The following RFC3 variants were observed in gnomAD, a reference collection of about 807,000 sequenced individuals.
The protein encoded by RFC3 is A1 38 kDa subunit.
Under a neutral mutation model 45.1 loss-of-function variants are expected in RFC3, and 41 were observed. That is an observed-to-expected ratio of 0.91 (90% CI 0.71 to 1.18). The LOEUF (loss-of-function observed/expected upper bound fraction) is 1.18. Among genes scored for constraint, RFC3 ranks in the 50% most tolerant of loss-of-function variants. The probability of loss-of-function intolerance (pLI) is 0.00; values close to 1 mark genes in which losing one functional copy is unlikely to be tolerated. For missense variants in RFC3, 423 were observed against 428.1 expected (o/e 0.99, Z 0.10); for synonymous variants, 149 against 144.0 (o/e 1.03, Z -0.25).
chr13:33,898,626 A>C (rs750625660), intron 8 of RFC3, among the ~76,000 whole-genome samples: 12 of 151,894 alleles, frequency 7.9e-5, no homozygotes, highest in Non-Finnish European at 1.8e-4. Context: ...ATCAAATCTG[A>C]AATTAGTAGA....
downstream of RFC3, among the ~76,000 whole-genome samples, chr13:33,969,689 T>G (rs1024323573): frequency 4.6e-5 from 7 of 152,196 alleles, no homozygotes; most frequent in Non-Finnish European, 1.0e-4. Flanking sequence ...TGCATCTTAG[T>G]CCAAATTCTA....
intron 8 of RFC3, among the ~76,000 whole-genome samples, chr13:33,952,168 C>A (rs1404786499): frequency 1.3e-5 from 2 of 152,204 alleles, no homozygotes; most frequent in Non-Finnish European, 2.9e-5. Flanking sequence ...TTTTTCTCAG[C>A]AAGCAGTCAA....
At chr13:33,857,871 G>A (rs932945448) in intron 8 of RFC3, among the ~76,000 whole-genome samples, 1 of 152,274 alleles carries the variant, frequency 6.6e-6, no homozygotes, top group South Asian at 2.1e-4. Context: ...CTTAAGGACA[G>A]CATGAAGAGA....
intron 8 of RFC3, among the ~76,000 whole-genome samples, chr13:33,909,517 G>C (rs2082691686): frequency 6.6e-6 from 1 of 151,788 alleles, no homozygotes; most frequent in South Asian, 2.1e-4. Context: ...CTCACTCCTT[G>C]TCTTATTCTT....
intron 8 of RFC3, among the ~76,000 whole-genome samples, chr13:33,899,255 T>C (rs981703742): frequency 7.4e-6 from 1 of 134,284 alleles, no homozygotes; most frequent in Admixed American, 7.3e-5. Flanking sequence ...CCAATATCCC[T>C]GATGAACATA....
chr13:33,874,027 T>C (rs533375552), intron 8 of RFC3, among the ~76,000 whole-genome samples: 1 of 152,178 alleles, frequency 6.6e-6, no homozygotes, highest in South Asian at 2.1e-4. Flanking sequence ...TATAAAACTT[T>C]AATGTTATTG....
At chr13:33,863,773 T>C (rs1220498242) in intron 8 of RFC3, among the ~76,000 whole-genome samples, 2 of 152,198 alleles carry the variant, frequency 1.3e-5, no homozygotes, top group African/African-American at 4.8e-5. Context: ...ATGCTTTTTG[T>C]ATGTGAGGTT....
chr13:33,923,833 G>A (rs1008257274), intron 8 of RFC3, among the ~76,000 whole-genome samples: 2 of 152,112 alleles, frequency 1.3e-5, no homozygotes, highest in African/African-American at 2.4e-5. Flanking sequence ...GCCCCAAGGT[G>A]TCCCAGGCTG....
At chr13:33,847,818 T>G (rs1480170427) in intron 8 of RFC3, 7 of 152,250 alleles carry the variant, frequency 4.6e-5, no homozygotes, top group Non-Finnish European at 1.0e-4. Flanking sequence ...AGTGAACTTT[T>G]AATTGACCTC....
At chr13:33,924,390 C>T (rs892481980) in intron 8 of RFC3, among the ~76,000 whole-genome samples, 3 of 151,938 alleles carry the variant, frequency 2.0e-5, no homozygotes, top group Non-Finnish European at 1.5e-5. Context: ...CAAATCCTAC[C>T]TGCTGACTGT....
At chr13:33,918,273 T>C (rs186581393) in intron 8 of RFC3, among the ~76,000 whole-genome samples, 17 of 152,238 alleles carry the variant, frequency 1.1e-4, no homozygotes, top group Non-Finnish European at 2.1e-4. Context: ...ACAACAGTTA[T>C]TGGATTGGAG....
intron 8 of RFC3, among the ~76,000 whole-genome samples, chr13:33,871,211 CAAAT>C (rs2082405217): frequency 6.6e-6 from 1 of 152,174 alleles, no homozygotes; most frequent in South Asian, 2.1e-4. Flanking sequence ...GCTGCCATAA[CAAAT>C]AACCATAAAT....
chr13:33,819,875 G>T (rs1451057987), intron 1 of RFC3, among the ~76,000 whole-genome samples: 2 of 152,070 alleles, frequency 1.3e-5, no homozygotes, highest in Non-Finnish European at 2.9e-5. Flanking sequence ...CCTTATTTTT[G>T]ATTAGATTGA....
At chr13:33,908,354 A>G (rs1478718423) in intron 8 of RFC3, among the ~76,000 whole-genome samples, 1 of 151,928 alleles carries the variant, frequency 6.6e-6, no homozygotes, top group Non-Finnish European at 1.5e-5. Flanking sequence ...AGAGCCCTAG[A>G]ATTTTTGGAA....
intron 8 of RFC3, among the ~76,000 whole-genome samples, chr13:33,912,786 C>T (rs1368586577): frequency 6.6e-6 from 1 of 152,068 alleles, no homozygotes; most frequent in East Asian, 1.9e-4. Flanking sequence ...GCAGTGCTGT[C>T]ACAGAAGAGA....
At chr13:33,895,139 C>T (rs1294343174) in intron 8 of RFC3, among the ~76,000 whole-genome samples, 1 of 139,204 alleles carries the variant, frequency 7.2e-6, no homozygotes, top group Non-Finnish European at 1.5e-5. Context: ...GCAACACAAA[C>T]AAAAATAATG....
intron 8 of RFC3, among the ~76,000 whole-genome samples, chr13:33,896,364 G>A (rs1056716616): frequency 3.3e-5 from 5 of 151,898 alleles, no homozygotes; most frequent in Non-Finnish European, 5.9e-5. Context: ...ATTATCCCCA[G>A]GGCATATAAT....
chr13:33,914,690 T>C (rs1159972955), intron 8 of RFC3, among the ~76,000 whole-genome samples: 1 of 152,160 alleles, frequency 6.6e-6, no homozygotes, highest in African/African-American at 2.4e-5. Flanking sequence ...ATATGTCCAA[T>C]GCTAAATAAT....
chr13:33,892,937 A>T (rs867390415), intron 8 of RFC3, among the ~76,000 whole-genome samples: 5 of 152,194 alleles, frequency 3.3e-5, no homozygotes, highest in Middle Eastern at 6.8e-3. Context: ...CAATTTCTAC[A>T]CTCAAAAAAG....
Sources: gnomAD v4.1 joint callset for allele counts (sites outside exome capture counted in the v4.1 genomes callset) on GRCh38, gnomAD v4.1.1 for gene constraint, MANE v1.5 for transcripts, NCBI Gene and HGNC (gene_info 2026-07-23, HGNC 2026-07-21) for gene names.